Variants in RRH observed in about 807,000 individuals in gnomAD.
RRH encodes retinal pigment epithelium-derived rhodopsin homolog, also known as visual pigment-like receptor peropsin.
A neutral mutation model predicts 33.1 loss-of-function variants in RRH; 36 were observed. The ratio of observed to expected loss-of-function variants is 1.09; its 90% CI spans 0.83 to 1.44. RRH has a LOEUF of 1.44. Among genes scored for constraint, RRH ranks in the 40% most tolerant of loss-of-function variants. The pLI is 0.00. For synonymous variants in RRH, 124 were observed against 140.2 expected (o/e 0.88, Z 0.82); for missense variants, 393 against 420.2 (o/e 0.94, Z 0.57).
chr4:109,835,901 G>A, intron 3 of RRH, 106 bp from the exon 4 acceptor site: 1 of 1,398,434 alleles, frequency 7.2e-7, no homozygotes, highest in East Asian at 2.3e-5. Context: ...GCCAATCAAA[G>A]TGCTCTGTAA....
rs778774276 is a variant in RRH, at chr4:109,837,466, T to C, written c.581T>C (p.Ile194Thr). 2.6e-5 allele frequency: 42 copies of C among 1,614,014 alleles called. No individual in the cohort carries two copies. Among genetic ancestry groups the C allele is most frequent in the Non-Finnish European group, 3.2e-5 (38 of 1,179,962 alleles). ...RSFVSYTMTV[I>T]AINFIVPLTV... ...TTTGTGTCTTACACCATGACAGTTA[T>C]TGCGATAAATTTTATTGTGCCCTTG... The change falls in exon 5 of 7, where the codon ATT becomes ACT. Residue 194 changes from isoleucine to threonine, a missense_variant. Ile to Thr is a moderately conservative substitution (Grantham distance 89). Transcript: ENST00000317735.
rs377149700 is a variant in RRH, at chr4:109,833,317, C to T, written c.285C>T (p.Tyr95=). 123 of 1,613,630 alleles carry T rather than the reference C, an allele frequency of 7.6e-5. No individual in the cohort carries two copies. The Admixed American group carries it at 8.3e-4, about 11-fold the overall frequency. Residue 95 remains tyrosine (Y), a synonymous_variant, in exon 2 of 7, where the codon TAC becomes TAT. Transcript: ENST00000317735. ...SDLYGSWKFG[Y]AGCQVYAGLN... is the part of the protein sequence containing the mutation. ...TGTATGGAAGTTGGAAATTTGGATA[C>T]GCAGGCTGTCAGGTATTGGAGATCA...
chr4:109,841,979 A>AT (rs1733993796), intron 5 of RRH, among the ~76,000 whole-genome samples: 1 of 152,206 alleles, frequency 6.6e-6, no homozygotes, highest in Admixed American at 6.5e-5. Context: ...TCAAGATAGG[A>AT]TTGTATTTGT....
In RRH at chr4:109,833,346, G is replaced by A. The variant is rs780485364; in HGVS notation, c.297+17G>A. ...GGCTGTCAGGTATTGGAGATCATTG[G>A]AATGAAAGCAAAATAAATAGATCAA... On this transcript the variant is annotated intron_variant, in intron 2 of 6. Coordinates refer to ENST00000317735, the MANE Select transcript of RRH (RefSeq NM_006583.5). 1 of 1,594,814 alleles carries A rather than the reference G, an allele frequency of 6.3e-7. No individual in the cohort carries two copies. The highest frequency in any genetic ancestry group is 8.6e-7 in the Non-Finnish European group (1 of 1,163,030).
At chr4:109,831,327 G>A (rs531788719) in intron 1 of RRH, among the ~76,000 whole-genome samples, 21 of 152,094 alleles carry the variant, frequency 1.4e-4, no homozygotes, top group Non-Finnish European at 2.6e-4. Flanking sequence ...CTGTCATTGT[G>A]TGCTAATTAT....
intron 6 of RRH, 62 bp downstream of exon 6, chr4:109,842,709 C>G (rs1734008607): frequency 2.8e-6 from 4 of 1,453,006 alleles, no homozygotes; most frequent in Non-Finnish European, 3.9e-6. Context: ...AATGTTAAGA[C>G]TTCTTGGGAG....
intron 2 of RRH, 86 bp from the exon 3 acceptor site, chr4:109,835,280 G>A (rs1733854618): frequency 1.2e-6 from 1 of 833,720 alleles, no homozygotes; most frequent in Non-Finnish European, 2.1e-6. Flanking sequence ...TAGTATATTT[G>A]AGATATATTC....
intron 2 of RRH, among the ~76,000 whole-genome samples, chr4:109,833,606 T>G (rs1352708991): frequency 6.6e-6 from 1 of 152,162 alleles, no homozygotes; most frequent in Non-Finnish European, 1.5e-5. Flanking sequence ...ATTTGCATAT[T>G]CAAATAAATA....
rs761795591 is a variant in RRH at position 109,844,173 on chromosome 4, C to T, written c.990C>T (p.Asn330=). 5.0e-6 allele frequency: 8 copies of T among 1,610,808 alleles called. No individual in the cohort carries two copies. The highest frequency in any genetic ancestry group is 3.3e-5 in the Admixed American group (2 of 59,990). The change falls in exon 7 of 7, where the codon AAC becomes AAT. Residue 330 remains asparagine (N), a synonymous_variant. Coordinates refer to ENST00000317735, the MANE Select transcript of RRH (RefSeq NM_006583.5). ...TSILPMDVSQ[N]PLASGRI is the part of the protein sequence containing the mutation. ...TTTTACCCATGGATGTATCTCAAAA[C>T]CCATTGGCTTCTGGAAGAATCTGAA... is the stretch of plus-strand genomic sequence containing the variant.
intron 2 of RRH, among the ~76,000 whole-genome samples, chr4:109,833,767 T>C (rs1462300832): frequency 6.6e-6 from 1 of 152,214 alleles, no homozygotes; most frequent in African/African-American, 2.4e-5. Flanking sequence ...TACTAAATGT[T>C]ATTTTTTAGT....
intron 6 of RRH, among the ~76,000 whole-genome samples, chr4:109,843,234 A>C (rs1186926063): frequency 6.6e-6 from 1 of 152,184 alleles, no homozygotes; most frequent in East Asian, 1.9e-4. Context: ...TGAAGTTTAG[A>C]CGGAGTCTCT....
chr4:109,842,369 T>C, intron 5 of RRH, 100 bp from the exon 6 acceptor site: 3 of 1,111,464 alleles, frequency 2.7e-6, no homozygotes, highest in Non-Finnish European at 3.9e-6. Context: ...AACATAAACA[T>C]ATTCAAATTC....
Position 109,833,201 on chromosome 4 carries a change from C to T in RRH, c.169C>T (p.Arg57Trp), listed in dbSNP as rs201926781. The change falls in exon 2 of 7, where the codon CGG becomes TGG. Residue 57 changes from arginine (R) to tryptophan (W), a missense_variant. By Grantham distance (101) the Arg-to-Trp change is moderately radical (BLOSUM62 -3). Transcript: ENST00000317735. ...LGIFIKYKEL[R>W]TPTNAIIINL... ...CATCTTCATTAAGTACAAGGAACTT[C>T]GGACACCCACAAATGCAATTATTAT... is the stretch of plus-strand genomic sequence containing the variant. 1.1e-4 allele frequency: 179 copies of T among 1,613,768 alleles called. No individual in the cohort carries two copies. Among genetic ancestry groups the T allele is most frequent in the Non-Finnish European group, 1.3e-4 (158 of 1,179,738 alleles).
intron 5 of RRH, among the ~76,000 whole-genome samples, chr4:109,840,611 CAGCTATTTT>C (rs940881924): frequency 1.1e-4 from 16 of 152,194 alleles, no homozygotes; most frequent in African/African-American, 3.9e-4. Flanking sequence ...ATTGATAAAA[CAGCTATTTT>C]ATACTCTATT....
chr4:109,828,137 T>C lies in RRH; in HGVS notation c.106+4T>C, dbSNP rs774780916. 1.9e-6 allele frequency: 3 copies of C among 1,582,576 alleles called. No homozygotes were observed. In the East Asian group the frequency reaches 6.7e-5, roughly 35 times the overall value. On this transcript the variant is annotated splice_donor_region_variant and intron_variant, in intron 1 of 6. Transcript: ENST00000317735. ...GCAACTTACTTGATTATGGCAGGTA[T>C]GGATATTTAAGTAAGTTATTTTTCT...
At chr4:109,841,346 C>T (rs993566078) in intron 5 of RRH, among the ~76,000 whole-genome samples, 1 of 152,074 alleles carries the variant, frequency 6.6e-6, no homozygotes, top group East Asian at 1.9e-4. Context: ...TACAGGTACC[C>T]CTCTTTTCAA....
chr4:109,841,884 A>G (rs1733992567), intron 5 of RRH, among the ~76,000 whole-genome samples: 1 of 152,168 alleles, frequency 6.6e-6, no homozygotes. Context: ...TTTAAACAAG[A>G]TGCAAGAGAT....
intron 5 of RRH, among the ~76,000 whole-genome samples, chr4:109,842,045 C>A (rs534800964): frequency 6.6e-6 from 1 of 152,042 alleles, no homozygotes; most frequent in Admixed American, 6.6e-5. Flanking sequence ...AGCAGGTAAT[C>A]CCAGTAAGAG....
Position 109,843,456 on chromosome 4 carries a change from G to A in RRH, c.900-627G>A, listed in dbSNP as rs185571607. Among the ~76,000 whole-genome samples, 363 of 152,304 alleles carry A rather than the reference G, an allele frequency of 2.4e-3. 1 individual carries two copies. Among genetic ancestry groups the A allele is most frequent in the African/African-American group, 8.4e-3 (348 of 41,564 alleles). On this transcript the variant is annotated intron_variant, in intron 6 of 6. Coordinates refer to ENST00000317735, the MANE Select transcript of RRH (RefSeq NM_006583.5). The stretch of plus-strand genomic sequence containing the variant: ...GAACTCCTGACCTCGTGATCCGCCC[G>A]CCTCGGCCTCCCAAAGCGCTGGGAT...
Sources: gnomAD v4.1 joint callset for allele counts (sites outside exome capture counted in the v4.1 genomes callset) on GRCh38, gnomAD v4.1.1 for gene constraint, MANE v1.5 for transcripts, NCBI Gene and HGNC (gene_info 2026-07-23, HGNC 2026-07-21) for gene names.